ZSCAN30: variants seen among roughly 807,000 people sequenced by gnomAD.
ZSCAN30 encodes the protein zinc finger and SCAN domain-containing protein 30.
Under a neutral mutation model 44.3 loss-of-function variants are expected in ZSCAN30, and 37 were observed. That is an observed-to-expected ratio of 0.84 (90% confidence interval 0.64 to 1.10). The LOEUF (loss-of-function observed/expected upper bound fraction) is 1.10. ZSCAN30 is among the 50% of genes least tolerant of loss of function. The pLI, the probability that ZSCAN30 is intolerant of heterozygous loss-of-function variation, is 0.00. For missense variants in ZSCAN30, 549 were observed against 582.6 expected, an observed-to-expected ratio of 0.94 and a Z score of 0.59; for synonymous variants, 181 against 204.6, an observed-to-expected ratio of 0.88 and a Z score of 0.98.
At chr18:35,258,640 G>A (rs1052582921) in intron 3 of ZSCAN30, 1 of 152,336 alleles carries the variant, frequency 6.6e-6, no homozygotes, top group Non-Finnish European at 1.5e-5. Context: ...GGGAGGCCGA[G>A]GCGGGTGGAT....
chr18:35,281,938 C>G (rs952621423), intron 1 of ZSCAN30: 2 of 150,508 alleles, frequency 1.3e-5, no homozygotes, highest in African/African-American at 4.9e-5. Flanking sequence ...GTGTAAAATA[C>G]TGTGAGTACC....
rs1345784785 is a variant in ZSCAN30, at chr18:35,251,798, T to A, written c.*1652A>T. On this transcript the variant is annotated 3_prime_UTR_variant, in exon 4 of 4. Transcript: ENST00000333206. ...CAGAACTGTCAGTCAATTAAACCTC[T>A]TTTTTTTTTTTAATAAATTACCCAG... The A allele has an allele frequency of 7.0e-6, 1 of 141,964 alleles. No individual in the cohort carries two copies. The highest frequency in any genetic ancestry group is 2.6e-5 in the African/African-American group (1 of 38,402). The allele number at this position is 141,964 out of a possible 1,614,324, so 8.8% of individuals were successfully genotyped here.
intron 1 of ZSCAN30, chr18:35,282,152 T>G (rs2044466389): frequency 6.6e-6 from 1 of 152,228 alleles, no homozygotes; most frequent in Admixed American, 6.5e-5. Flanking sequence ...GTTTCTTCCT[T>G]CTCTCATCTT....
intron 1 of ZSCAN30, among the ~76,000 whole-genome samples, chr18:35,285,699 T>C (rs77292618): frequency 0.012 from 1,813 of 152,230 alleles, 33 homozygotes; most frequent in African/African-American, 0.039. Context: ...TGTGAGATGC[T>C]GCTAAGGCAG....
At chr18:35,272,252 ACTC>A (rs2143740554) in intron 1 of ZSCAN30, among the ~76,000 whole-genome samples, 1 of 151,844 alleles carries the variant, frequency 6.6e-6, no homozygotes, top group Admixed American at 6.6e-5. Context: ...CTGGTCTCGA[ACTC>A]CTGACCTCAA....
intron 1 of ZSCAN30, among the ~76,000 whole-genome samples, chr18:35,286,641 A>T (rs967126335): frequency 6.9e-6 from 1 of 145,492 alleles, no homozygotes; most frequent in Non-Finnish European, 1.5e-5. Flanking sequence ...GGGTACCAAT[A>T]AAAAAAACCA....
Position 35,282,394 on chromosome 18 carries a change from G to A in ZSCAN30, c.-104+7690C>T, listed in dbSNP as rs2044470689. 2.0e-5 allele frequency: 3 copies of A among 152,186 alleles called. No individual in the cohort carries two copies. In the South Asian group the frequency reaches 6.2e-4, roughly 32 times the overall value. The allele number at this position is 152,186 out of a possible 1,614,324, so 9.4% of individuals were successfully genotyped here. On this transcript the variant is annotated intron_variant, in intron 1 of 3. Transcript: ENST00000333206. ...TGTTATCATAATTTGGAGAATTAAA[G>A]TATGGCTTAAAGAAACATGTATGGT...
chr18:35,281,768 G>C (rs2044460138), intron 1 of ZSCAN30: 1 of 152,074 alleles, frequency 6.6e-6, no homozygotes, highest in East Asian at 1.9e-4. Flanking sequence ...AGAAATTCTA[G>C]AAGCTATGTC....
At chr18:35,263,365 G>A (rs1424015958) in intron 3 of ZSCAN30, 148 bp downstream of exon 3, 1 of 939,212 alleles carries the variant, frequency 1.1e-6, no homozygotes, top group Non-Finnish European at 1.6e-6. Context: ...ATTCTAGGCA[G>A]AGCCTAAGGA....
intron 1 of ZSCAN30, among the ~76,000 whole-genome samples, chr18:35,271,979 C>T (rs1387296687): frequency 2.6e-5 from 4 of 152,138 alleles, no homozygotes; most frequent in Admixed American, 6.5e-5. Flanking sequence ...CCGGAACTCG[C>T]GCTGGCACGG....
rs778407921 is a variant in ZSCAN30, at chr18:35,264,014, T to A, written c.339A>T (p.Pro113=). ...TAGTCACAGCTTCCTCTCCATTCTC[T>A]GGCCGATGCTCTCGCAGCCAAGCTT... ...ELQAWLREHR[P]ENGEEAVTML... is the part of the protein sequence containing the mutation. Residue 113 remains proline, a synonymous_variant, in exon 2 of 4, where the codon CCA becomes CCT. Transcript: ENST00000333206. 3.7e-6 allele frequency: 6 copies of A among 1,614,246 alleles called. No homozygotes were observed. The highest frequency in any genetic ancestry group is 4.2e-6 in the Non-Finnish European group (5 of 1,180,024).
chr18:35,269,418 G>C (rs2044226012), intron 1 of ZSCAN30: 1 of 149,000 alleles, frequency 6.7e-6, no homozygotes, highest in African/African-American at 2.5e-5. Flanking sequence ...TTTTCCCACT[G>C]GTCAGAGTTT....
Position 35,254,130 on chromosome 18 carries a change from C to CT in ZSCAN30, c.804dup (p.Glu269ArgfsTer6). 1 of 1,614,144 alleles carries CT rather than the reference C, an allele frequency of 6.2e-7. No homozygotes were observed. The highest frequency in any genetic ancestry group is 1.1e-5 in the South Asian group (1 of 91,088). On this transcript the variant is annotated frameshift_variant, in exon 4 of 4. Coordinates refer to ENST00000333206, the MANE Select transcript of ZSCAN30 (RefSeq NM_001112734.4). LOFTEE classifies it high-confidence loss of function. ...TCATGAGATTCAAGGACACTGTGTT[C>CT]TGTGGGGATTCTTCTGTTGAAGGTT...
intron 1 of ZSCAN30, among the ~76,000 whole-genome samples, chr18:35,265,048 A>G (rs559429841): frequency 6.6e-6 from 1 of 152,114 alleles, no homozygotes; most frequent in South Asian, 2.1e-4. Context: ...TGGGAGGCTG[A>G]GGCAGGAGAA....
At chr18:35,282,372 TATC>T (rs1598654121) in intron 1 of ZSCAN30, 1 of 152,234 alleles carries the variant, frequency 6.6e-6, no homozygotes, top group Admixed American at 6.5e-5. Flanking sequence ...ACTTCATTGT[TATC>T]ATAATTTGGA....
At chr18:35,274,332 C>T (rs890805105) in intron 1 of ZSCAN30, among the ~76,000 whole-genome samples, 3 of 151,962 alleles carry the variant, frequency 2.0e-5, no homozygotes, top group East Asian at 1.9e-4. Context: ...CCACCGTGCC[C>T]GGCCGAAGGT....
At chr18:35,279,937 C>A (rs536188625) in intron 1 of ZSCAN30, among the ~76,000 whole-genome samples, 1 of 152,218 alleles carries the variant, frequency 6.6e-6, no homozygotes, top group East Asian at 1.9e-4. Context: ...TGGGGGGATA[C>A]AATTCAATCC....
chr18:35,252,709 T>A lies in ZSCAN30; in HGVS notation c.*741A>T, dbSNP rs1400132824. 3.3e-5 allele frequency: 5 copies of A among 152,172 alleles called. No homozygotes were observed. Among genetic ancestry groups the A allele is most frequent in the Non-Finnish European group, 5.9e-5 (4 of 68,028 alleles). 9.4% of individuals were successfully genotyped at this position (152,172 alleles called of 1,614,324 possible). On this transcript the variant is annotated 3_prime_UTR_variant, in exon 4 of 4. Coordinates refer to ENST00000333206, the MANE Select transcript of ZSCAN30 (RefSeq NM_001112734.4). ...CCATGTACTTTGATGGAAACCCGCA[T>A]TTTTCCTACCAAAGCACTTACCACA...
At position 35,251,143 on chromosome 18, in the gene ZSCAN30, T is replaced by A. The variant is rs2043577230; in HGVS notation, c.*2307A>T. ...GTTGAAGTATAAATTTTGAAATTAG[T>A]TACCAAAAATCATTTACTAAACAGT... On this transcript the variant is annotated 3_prime_UTR_variant, in exon 4 of 4. Coordinates refer to ENST00000333206, the MANE Select transcript of ZSCAN30 (RefSeq NM_001112734.4). The A allele has an allele frequency of 6.6e-6, 1 of 152,200 alleles. No individual in the cohort carries two copies. Among genetic ancestry groups the A allele is most frequent in the Non-Finnish European group, 1.5e-5 (1 of 68,034 alleles). 9.4% of individuals were successfully genotyped at this position (152,200 alleles called of 1,614,324 possible). A position where few individuals can be genotyped will look rare whatever the true frequency, so the allele number is the denominator to read the frequency against.
Sources: gnomAD v4.1 joint callset for allele counts (sites outside exome capture counted in the v4.1 genomes callset) on GRCh38, gnomAD v4.1.1 for gene constraint, MANE v1.5 for transcripts, NCBI Gene and HGNC (gene_info 2026-07-23, HGNC 2026-07-21) for gene names.